Variants in TACC2 observed in about 807,000 individuals in gnomAD.
TACC2 encodes the protein transforming acidic coiled-coil containing protein 2.
Under a neutral mutation model 227.3 loss-of-function variants are expected in TACC2, and 137 were observed. The observed-to-expected ratio is 0.60, with a 90% CI of 0.52 to 0.69. The LOEUF (loss-of-function observed/expected upper bound fraction) is 0.69, where lower values mean the gene tolerates loss of function less well. Among genes scored for constraint, TACC2 ranks in the 30% least tolerant of loss-of-function variants. TACC2 has a pLI of 0.00. For synonymous variants in TACC2, 1,523 were observed against 1,487.5 expected (o/e 1.02, Z -0.55); for missense variants, 3,470 against 3,694.4 (o/e 0.94, Z 1.57).
At chr10:122,142,540 C>T (rs536747891) in intron 6 of TACC2, among the ~76,000 whole-genome samples, 1 of 152,322 alleles carries the variant, frequency 6.6e-6, no homozygotes, top group South Asian at 2.1e-4. Flanking sequence ...AGGTGGACCT[C>T]GAAGAGATGG....
At chr10:122,069,061 C>T (rs1175077182) in intron 3 of TACC2, among the ~76,000 whole-genome samples, 1 of 152,024 alleles carries the variant, frequency 6.6e-6, no homozygotes, top group South Asian at 2.1e-4. Flanking sequence ...CCGATCAGTC[C>T]TCCCCTCTCT....
chr10:122,235,221 G>T (rs1294205570), intron 16 of TACC2, among the ~76,000 whole-genome samples: 1 of 152,142 alleles, frequency 6.6e-6, no homozygotes, highest in African/African-American at 2.4e-5. Flanking sequence ...CCCAGTAGCT[G>T]GGATTACAGG....
At chr10:122,107,879 TA>T (rs756430495) in intron 5 of TACC2, among the ~76,000 whole-genome samples, 17,946 of 70,588 alleles carry the variant, frequency 0.25, 1,313 homozygotes, top group Middle Eastern at 0.37. Flanking sequence ...TATATATATA[TA>T]TTTTTTTTTT....
Position 122,087,671 on chromosome 10 carries a change from T to G in TACC2, c.5171T>G (p.Leu1724Arg). ...AETQACASGD[L>R]PEAGTTRTFS... ...ACACAGGCATGTGCGTCCGGTGATCTGCCTGAAGCAGGTACTACGAGGACA... is the reference window on the plus strand; with the variant it reads ...ACACAGGCATGTGCGTCCGGTGATCGGCCTGAAGCAGGTACTACGAGGACA... Residue 1724 changes from leucine (L) to arginine (R), a missense_variant, in exon 4 of 23, where the codon CTG becomes CGG. Leu to Arg is a moderately radical substitution (Grantham distance 102). This residue lies in a region of TACC2 where 1,924 missense variants were observed against 1,978.3 expected (regional missense o/e 0.97). Transcript: ENST00000369005. The G allele has an allele frequency of 6.2e-7, 1 of 1,613,362 alleles. No homozygotes were observed.
chr10:122,246,435 A>T (rs1564850552), intron 19 of TACC2: 1 of 152,126 alleles, frequency 6.6e-6, no homozygotes, highest in Non-Finnish European at 1.5e-5. Flanking sequence ...AGGGAAAGAA[A>T]CTCATACAAC....
intron 5 of TACC2, among the ~76,000 whole-genome samples, chr10:122,097,703 G>A (rs1030520113): frequency 1.5e-4 from 23 of 152,224 alleles, no homozygotes; most frequent in African/African-American, 5.1e-4. Flanking sequence ...ACTGCCCCAA[G>A]CCTCAGCTTC....
intron 19 of TACC2, among the ~76,000 whole-genome samples, chr10:122,243,336 C>T (rs2096046284): frequency 6.6e-6 from 1 of 152,176 alleles, no homozygotes; most frequent in Non-Finnish European, 1.5e-5. Flanking sequence ...TGACACTGTG[C>T]TGGCACCTGG....
At chr10:122,137,007 CT>C (rs891474800) in intron 6 of TACC2, among the ~76,000 whole-genome samples, 2 of 151,572 alleles carry the variant, frequency 1.3e-5, no homozygotes, top group East Asian at 1.9e-4. Context: ...TTCAAGAGCT[CT>C]TTTTTTTTCT....
At chr10:122,213,301 C>T (rs776660208) in intron 9 of TACC2, 1 of 1,599,350 alleles carries the variant, frequency 6.3e-7, no homozygotes, top group African/African-American at 1.3e-5. Context: ...TTTGTCAGTT[C>T]CTTCTGTCTG....
At chr10:122,236,003 T>C (rs979757877) in intron 16 of TACC2, among the ~76,000 whole-genome samples, 1 of 152,080 alleles carries the variant, frequency 6.6e-6, no homozygotes, top group African/African-American at 2.4e-5. Flanking sequence ...ACCGAAACTA[T>C]ATAGTTTCAC....
At chr10:122,057,889 C>G (rs1265358298) in intron 3 of TACC2, among the ~76,000 whole-genome samples, 1 of 152,130 alleles carries the variant, frequency 6.6e-6, no homozygotes, top group East Asian at 1.9e-4. Context: ...ACAACCTTCC[C>G]GTACCTGCTC....
At chr10:122,007,614 G>A (rs10887039) in intron 1 of TACC2, among the ~76,000 whole-genome samples, 49,073 of 152,060 alleles carry the variant, frequency 0.32, 9,092 homozygotes, top group East Asian at 0.6. Context: ...CGCCTGGTCT[G>A]TCTGTACACA....
At chr10:122,092,991 A>G (rs752572459) in intron 5 of TACC2, among the ~76,000 whole-genome samples, 1 of 152,174 alleles carries the variant, frequency 6.6e-6, no homozygotes, top group Non-Finnish European at 1.5e-5. Flanking sequence ...TTTTGGTTAC[A>G]TAGCACTAAT....
At chr10:122,043,459 CTCTT>C (rs57557713) in intron 2 of TACC2, among the ~76,000 whole-genome samples, 109 of 148,440 alleles carry the variant, frequency 7.3e-4, no homozygotes, top group Admixed American at 1.9e-3. Flanking sequence ...TTCTTTCTTT[CTCTT>C]TCTTTCTTTC....
intron 2 of TACC2, among the ~76,000 whole-genome samples, chr10:122,024,214 A>T (rs1056560830): frequency 1.3e-5 from 2 of 152,012 alleles, no homozygotes; most frequent in Admixed American, 6.6e-5. Context: ...CCAAGGAAAA[A>T]AATTAGCTGG....
chr10:122,020,377 C>A (rs541527927), intron 1 of TACC2, among the ~76,000 whole-genome samples: 1 of 151,820 alleles, frequency 6.6e-6, no homozygotes, highest in South Asian at 2.1e-4. Context: ...GGTATCATAT[C>A]CTTTTGATTG....
intron 3 of TACC2, among the ~76,000 whole-genome samples, chr10:122,054,154 A>C (rs1395702623): frequency 1.3e-5 from 2 of 152,204 alleles, no homozygotes; most frequent in Admixed American, 1.3e-4. Context: ...ACTCATCCCC[A>C]AAGTTCTTCA....
chr10:122,107,610 T>A (rs2082975145), intron 5 of TACC2, among the ~76,000 whole-genome samples: 2 of 151,804 alleles, frequency 1.3e-5, no homozygotes, highest in Non-Finnish European at 2.9e-5. Flanking sequence ...AAAATAATAA[T>A]AATAATTTTT....
At chr10:122,035,961 C>G (rs1002604635) in intron 2 of TACC2, among the ~76,000 whole-genome samples, 1 of 152,076 alleles carries the variant, frequency 6.6e-6, no homozygotes, top group African/African-American at 2.4e-5. Flanking sequence ...TATAGGCATG[C>G]GCTACTGCAG....
Sources: gnomAD v4.1 joint callset for allele counts (sites outside exome capture counted in the v4.1 genomes callset) on GRCh38, gnomAD v4.1.1 for gene constraint, gnomAD v4.1.1 regional missense constraint, MANE v1.5 for transcripts, NCBI Gene and HGNC (gene_info 2026-07-23, HGNC 2026-07-21) for gene names.